The following KMT2D variants were observed in gnomAD, a reference collection of about 807,000 sequenced individuals.
KMT2D encodes histone-lysine N-methyltransferase 2D.
Under a neutral mutation model 512.7 loss-of-function variants are expected in KMT2D, and 55 were observed. That is an observed-to-expected ratio of 0.11 (90% CI 0.09 to 0.13). KMT2D has a LOEUF of 0.13. Ranked by LOEUF, KMT2D falls within the 10% of genes least tolerant of loss-of-function variation. The probability of loss-of-function intolerance (pLI) is 1.00; values close to 1 mark genes in which losing one functional copy is unlikely to be tolerated. For synonymous variants in KMT2D, 2,995 were observed against 2,904.0 expected (o/e 1.03, Z -1.01); for missense variants, 6,061 against 7,127.9 (o/e 0.85, Z 5.39).
Position 49,051,251 on chromosome 12 carries a change from T to G in KMT2D, c.2432A>C (p.Glu811Ala). Reference sequence around the variant, plus strand: ...AGGCACAGGAGACAGGTGCGGCTCCTCAGTCTGGGGGGACAGGTGCAATTC... The same window carrying G: ...AGGCACAGGAGACAGGTGCGGCTCCGCAGTCTGGGGGGACAGGTGCAATTC... Reference protein sequence around the residue: ...PEELHLSPQTEEPHLSPVPEE... With the variant: ...PEELHLSPQTAEPHLSPVPEE... Residue 811 changes from glutamate to alanine, a missense_variant, in exon 11 of 55, where the codon GAG becomes GCG. Around this residue, in one of 16 missense-constraint regions of KMT2D, gnomAD observed 848 missense variants for 838.5 expected, o/e 1.01. Transcript: ENST00000301067. The G allele has an allele frequency of 6.5e-7, 1 of 1,536,244 alleles. No individual in the cohort carries two copies. The highest frequency in any genetic ancestry group is 8.8e-7 in the Non-Finnish European group (1 of 1,141,360).
chr12:49,048,680 T>G lies in KMT2D; in HGVS notation c.4110A>C (p.Thr1370=). ...GTACCTGCATTAGGACAAATTTGTCTGTGTTGGAGAAGAGAACCACGGTAT... is the reference window on the plus strand; with the variant it reads ...GTACCTGCATTAGGACAAATTTGTCGGTGTTGGAGAAGAGAACCACGGTAT... The part of the protein sequence containing the change: ...MQNTVVLFSN[T]DKFVLMQDMC... Residue 1370 remains threonine, a synonymous_variant, in exon 14 of 55, where the codon ACA becomes ACC. Coordinates refer to ENST00000301067, the MANE Select transcript of KMT2D (RefSeq NM_003482.4). 2 of 1,612,616 alleles carry G rather than the reference T, an allele frequency of 1.2e-6. No homozygotes were observed. The highest frequency in any genetic ancestry group is 1.7e-6 in the Non-Finnish European group (2 of 1,178,602).
At chr12:49,055,929 CG>C in intron 1 of KMT2D, among the ~76,000 whole-genome samples, 1 of 152,308 alleles carries the variant, frequency 6.6e-6, no homozygotes, top group South Asian at 2.1e-4. Context: ...CTTGTTTCTA[CG>C]AGGACATCAC....
Position 49,041,603 on chromosome 12 carries a change from A to G in KMT2D, c.6234+52T>C, listed in dbSNP as rs1429847910. 10 of 1,612,622 alleles carry G rather than the reference A, an allele frequency of 6.2e-6. No homozygotes were observed. In the Admixed American group the frequency reaches 1.5e-4, roughly 24 times the overall value. ...GCAGGCCCCATGGCCCTCCACCCTC[A>G]AGAGAGGCCACCCACTAGAGGACTG... On this transcript the variant is annotated intron_variant, in intron 31 of 54. Coordinates refer to ENST00000301067, the MANE Select transcript of KMT2D (RefSeq NM_003482.4). The surrounding 1 kb of genome is among the most constrained non-coding windows in gnomAD (Gnocchi z 5.4).
In KMT2D at chr12:49,020,079, T is replaced by C. The variant is rs1223776005; in HGVS notation, c.*1701A>G. On this transcript the variant is annotated 3_prime_UTR_variant, in exon 55 of 55. Coordinates refer to ENST00000301067, the MANE Select transcript of KMT2D (RefSeq NM_003482.4). ...GGGGTTTGGGGCCTCACCCACCCCT[T>C]ACCTACTCCCACCCCCAGGAAGAGG... is the stretch of plus-strand genomic sequence containing the variant. 2 of 196,198 alleles carry C rather than the reference T, an allele frequency of 1.0e-5. No homozygotes were observed. The highest frequency in any genetic ancestry group is 2.1e-5 in the Non-Finnish European group (2 of 94,244). 12.2% of individuals were successfully genotyped at this position (196,198 alleles called of 1,614,324 possible).
Position 49,019,323 on chromosome 12 carries a change from G to T in KMT2D, c.*2457C>A. Reference sequence around the variant, plus strand: ...ACTGTAAAGGGGAAAACTGAAAACTGAGTATGTGCGAGTGTAAACCAACCC... The same window carrying T: ...ACTGTAAAGGGGAAAACTGAAAACTTAGTATGTGCGAGTGTAAACCAACCC... On this transcript the variant is annotated 3_prime_UTR_variant, in exon 55 of 55. Transcript: ENST00000301067. 1 of 172,248 alleles carries T rather than the reference G, an allele frequency of 5.8e-6. No homozygotes were observed. Among genetic ancestry groups the T allele is most frequent in the Non-Finnish European group, 9.9e-6 (1 of 101,304 alleles). 10.7% of individuals were successfully genotyped at this position (172,248 alleles called of 1,614,324 possible).
At chr12:49,055,137 T>C in intron 2 of KMT2D, 111 bp from the exon 3 acceptor site, 4 of 1,555,714 alleles carry the variant, frequency 2.6e-6, no homozygotes, top group Non-Finnish European at 3.5e-6. Flanking sequence ...AGTGATGATA[T>C]TTCAACTGTT....
Position 49,040,944 on chromosome 12 carries a change from G to T in KMT2D, c.6826C>A (p.Pro2276Thr), listed in dbSNP as rs368486128. 1 of 1,613,458 alleles carries T rather than the reference G, an allele frequency of 6.2e-7. No individual in the cohort carries two copies. Among genetic ancestry groups the T allele is most frequent in the Non-Finnish European group, 8.5e-7 (1 of 1,179,574 alleles). The stretch of plus-strand genomic sequence containing the variant: ...GCCTTCCGGGACTCCCCAAAAGGTG[G>T]GGGCGAGAGCAGGGGCTCGGAAGCT... ...GKASEPLLSP[P>T]PFGESRKALE... Residue 2276 changes from proline to threonine, a missense_variant, in exon 32 of 55, where the codon CCA (proline) becomes ACA (threonine). Pro to Thr is a conservative substitution (Grantham distance 38, BLOSUM62 -1). Transcript: ENST00000301067.
intron 6 of KMT2D, 106 bp from the exon 7 acceptor site, chr12:49,053,747 C>T: frequency 7.5e-7 from 1 of 1,332,382 alleles, no homozygotes; most frequent in South Asian, 1.5e-5. Context: ...GAACAAACAA[C>T]AAAGTTACTG....
chr12:49,028,677 C>G (rs1799191517), intron 46 of KMT2D, 151 bp downstream of exon 46: 1 of 1,038,444 alleles, frequency 9.6e-7, no homozygotes, highest in Non-Finnish European at 1.4e-6. Flanking sequence ...ATTCATTTAC[C>G]CGAATCTCAC....
At position 49,033,708 on chromosome 12, in the gene KMT2D, C is replaced by T. The variant is rs1348501920; in HGVS notation, c.10997G>A (p.Gly3666Glu). ...RLTPGGMALP[G>E]QPGGPFLNTA... is the part of the protein sequence containing the mutation. ...ATTAAGGAAGGGGCCACCAGGCTGT[C>T]CAGGTAGTGCCATACCCCCAGGGGT... Residue 3666 changes from glycine to glutamate, a missense_variant, in exon 40 of 55, where the codon GGA (glycine) becomes GAA (glutamate). Physicochemically the swap from Gly to Glu is moderately conservative, Grantham distance 98. Transcript: ENST00000301067. The T allele has an allele frequency of 6.2e-7, 1 of 1,613,596 alleles. No homozygotes were observed. The highest frequency in any genetic ancestry group is 1.7e-5 in the Admixed American group (1 of 60,020).
chr12:49,048,569 T>TCC, intron 14 of KMT2D, 90 bp downstream of exon 14: 1 of 760,334 alleles, frequency 1.3e-6, no homozygotes, highest in South Asian at 1.6e-5. Flanking sequence ...TAGCTGGGTA[T>TCC]CCCCAAAGTA....
chr12:49,030,885 G>A lies in KMT2D; in HGVS notation c.13671+8C>T, dbSNP rs2120410343. On this transcript the variant is annotated splice_region_variant and intron_variant, in intron 41 of 54. Transcript: ENST00000301067. ...TGGGACCAGGGGGACTGTCTCCTGGGGGGTCACCTGTTTCAGCTGTTTCAG... is the reference window on the plus strand; with the variant it reads ...TGGGACCAGGGGGACTGTCTCCTGGAGGGTCACCTGTTTCAGCTGTTTCAG... 1 of 1,613,676 alleles carries A rather than the reference G, an allele frequency of 6.2e-7. No homozygotes were observed. The highest frequency in any genetic ancestry group is 8.5e-7 in the Non-Finnish European group (1 of 1,179,754).
chr12:49,053,386 T>C, intron 7 of KMT2D, 65 bp from the exon 8 acceptor site: 1 of 1,607,652 alleles, frequency 6.2e-7, no homozygotes, highest in Non-Finnish European at 8.5e-7. Flanking sequence ...TTTTGTTGTT[T>C]TCATGTTAAC....
At position 49,030,614 on chromosome 12, in the gene KMT2D, T is replaced by C; in HGVS notation, c.13826A>G (p.Gln4609Arg). The change falls in exon 42 of 55, where the codon CAG becomes CGG. Residue 4609 changes from glutamine to arginine, a missense_variant. Around this residue, in one of 16 missense-constraint regions of KMT2D, gnomAD observed 1,600 missense variants for 1,754.9 expected, o/e 0.91. Coordinates refer to ENST00000301067, the MANE Select transcript of KMT2D (RefSeq NM_003482.4). ...CATTTTTCTGACCTTGGTAAGCAGC[T>C]GGGAATAGTAGTCAGGGCCAGTGGG... Reference protein sequence around the residue: ...ALPTGPDYYSQLLTKNNLSNP... With the variant: ...ALPTGPDYYSRLLTKNNLSNP... 6.3e-7 allele frequency: 1 copy of C among 1,575,468 alleles called. No individual in the cohort carries two copies. The highest frequency in any genetic ancestry group is 8.6e-7 in the Non-Finnish European group (1 of 1,158,962).
chr12:49,056,315 G>A (rs1000871885), intron 1 of KMT2D, among the ~76,000 whole-genome samples: 3 of 152,100 alleles, frequency 2.0e-5, no homozygotes, highest in Admixed American at 6.5e-5. Flanking sequence ...GGGGAATAAC[G>A]GTCCCTTGTC....
intron 1 of KMT2D, 79 bp from the exon 2 acceptor site, chr12:49,055,440 G>T: frequency 1.2e-6 from 1 of 855,830 alleles, no homozygotes; most frequent in South Asian, 1.7e-5. Flanking sequence ...TGGGAAGAAG[G>T]CATCCAGACC....
rs780566885 is a variant in KMT2D, at chr12:49,052,715, GA to G, written c.1113-7del. ...CAGGCTCTGGGGGTGAAAATCTGCA[GA>G]GGGTACAGGGGAGCAGGCACTGTGG... On this transcript the variant is annotated splice_region_variant and splice_polypyrimidine_tract_variant and intron_variant, in intron 9 of 54. Coordinates refer to ENST00000301067, the MANE Select transcript of KMT2D (RefSeq NM_003482.4). The G allele has an allele frequency of 6.2e-7, 1 of 1,613,268 alleles. No homozygotes were observed. Among genetic ancestry groups the G allele is most frequent in the Non-Finnish European group, 8.5e-7 (1 of 1,179,384 alleles).
At position 49,033,730 on chromosome 12, in the gene KMT2D, G is replaced by T. The variant is rs367910969; in HGVS notation, c.10975C>A (p.Pro3659Thr). Residue 3659 changes from proline to threonine, a missense_variant, in exon 40 of 55, where the codon CCT (proline) becomes ACT (threonine). Physicochemically the swap from Pro to Thr is conservative, Grantham distance 38. Around this residue, in one of 16 missense-constraint regions of KMT2D, gnomAD observed 1,600 missense variants for 1,754.9 expected, o/e 0.91. Coordinates refer to ENST00000301067, the MANE Select transcript of KMT2D (RefSeq NM_003482.4). The stretch of plus-strand genomic sequence containing the variant: ...TGTCCAGGTAGTGCCATACCCCCAG[G>T]GGTCAGGCGAAGACCTCCGGCTTGC... ...GGQAGGLRLT[P>T]GGMALPGQPG... is the part of the protein sequence containing the mutation. 1 of 1,613,564 alleles carries T rather than the reference G, an allele frequency of 6.2e-7. No homozygotes were observed. The highest frequency in any genetic ancestry group is 8.5e-7 in the Non-Finnish European group (1 of 1,179,856).
intron 24 of KMT2D, 92 bp from the exon 25 acceptor site, chr12:49,043,520 C>T: frequency 3.1e-6 from 5 of 1,590,570 alleles, no homozygotes; most frequent in Non-Finnish European, 4.3e-6. Context: ...GGCCAGGACC[C>T]TTGACCCCAC....
Sources: gnomAD v4.1 joint callset for allele counts (sites outside exome capture counted in the v4.1 genomes callset) on GRCh38, gnomAD v4.1.1 for gene constraint, gnomAD v4.1.1 regional missense constraint, Gnocchi (gnomAD v3.1) non-coding constraint, MANE v1.5 for transcripts, NCBI Gene and HGNC (gene_info 2026-07-23, HGNC 2026-07-21) for gene names.